The following WIPF1 variants were observed in gnomAD, a reference collection of about 807,000 sequenced individuals.
WIPF1 encodes WAS/WASL interacting protein family member 1, also known as WAS/WASL-interacting protein family member 1.
In WIPF1, 13 loss-of-function variants were observed where a neutral mutation model predicts 35.4. The observed-to-expected ratio is 0.37, with a 90% CI of 0.24 to 0.58. The LOEUF is 0.58. WIPF1 is among the 20% of genes least tolerant of loss of function. WIPF1 has a pLI of 0.74. For missense variants in WIPF1, 591 were observed against 667.0 expected (o/e 0.89, Z 1.25); for synonymous variants, 267 against 266.3 (o/e 1.00, Z -0.02).
intron 1 of WIPF1, among the ~76,000 whole-genome samples, chr2:174,628,636 C>T (rs1357217603): frequency 1.3e-5 from 2 of 152,230 alleles, no homozygotes; most frequent in African/African-American, 2.4e-5. Flanking sequence ...CCATTAGGCA[C>T]AGATCTGGCC....
chr2:174,614,375 T>C (rs1311779064), intron 1 of WIPF1, among the ~76,000 whole-genome samples: 1 of 152,216 alleles, frequency 6.6e-6, no homozygotes, highest in African/African-American at 2.4e-5. Context: ...CTGCTTATTT[T>C]CAAGTCTGCT....
At chr2:174,673,403 C>T (rs1411964741) in intron 1 of WIPF1, 3 of 152,292 alleles carry the variant, frequency 2.0e-5, no homozygotes, top group Non-Finnish European at 4.4e-5. Flanking sequence ...CTCCGCAACA[C>T]TGCCTGCTTA....
At chr2:174,576,250 C>A (rs12620968) in intron 3 of WIPF1, among the ~76,000 whole-genome samples, 23,906 of 112,572 alleles carry the variant, frequency 0.21, 2,574 homozygotes, top group East Asian at 0.31. Flanking sequence ...AAAAAAAAAA[C>A]ACTAAGCAAA....
intron 1 of WIPF1, among the ~76,000 whole-genome samples, chr2:174,667,397 A>C (rs1345449236): frequency 6.6e-6 from 1 of 152,146 alleles, no homozygotes; most frequent in East Asian, 1.9e-4. Flanking sequence ...GACACTTTAC[A>C]ACCCTTTCCA....
chr2:174,672,782 T>C (rs1426754750), intron 1 of WIPF1, among the ~76,000 whole-genome samples: 1 of 152,208 alleles, frequency 6.6e-6, no homozygotes, highest in Non-Finnish European at 1.5e-5. Flanking sequence ...CACAGTGTTG[T>C]CAAGCCCAGC....
At chr2:174,582,362 C>G (rs2105833502) in intron 2 of WIPF1, among the ~76,000 whole-genome samples, 1 of 152,328 alleles carries the variant, frequency 6.6e-6, no homozygotes, top group Admixed American at 6.5e-5. Context: ...GTGCCTGTGT[C>G]TATCACACTT....
chr2:174,658,274 A>G (rs998381920), intron 1 of WIPF1, among the ~76,000 whole-genome samples: 10 of 152,228 alleles, frequency 6.6e-5, no homozygotes, highest in Admixed American at 5.9e-4. Context: ...AAAGAGACCT[A>G]TGCTTTGTCT....
chr2:174,674,931 C>CAT (rs1415850925), intron 1 of WIPF1, among the ~76,000 whole-genome samples: 3 of 150,492 alleles, frequency 2.0e-5, no homozygotes. Flanking sequence ...CACACACACA[C>CAT]ACACACACAC....
chr2:174,659,472 G>A (rs908424331), intron 1 of WIPF1, among the ~76,000 whole-genome samples: 55 of 152,210 alleles, frequency 3.6e-4, no homozygotes, highest in Admixed American at 3.9e-4. Flanking sequence ...AGGGTTTAGC[G>A]AGTAATGGTA....
intron 1 of WIPF1, chr2:174,626,003 A>C (rs556171380): frequency 1.2e-4 from 18 of 152,324 alleles, no homozygotes; most frequent in African/African-American, 4.1e-4. Flanking sequence ...AATTTGTAAA[A>C]CTACATAATA....
At chr2:174,609,605 T>A (rs1686281572) in intron 1 of WIPF1, among the ~76,000 whole-genome samples, 1 of 152,264 alleles carries the variant, frequency 6.6e-6, no homozygotes, top group African/African-American at 2.4e-5. Context: ...TTACTTTCAT[T>A]TCTCTTTTAA....
At chr2:174,601,433 A>G (rs1034736792), upstream of WIPF1, among the ~76,000 whole-genome samples, 3 of 152,220 alleles carry the variant, frequency 2.0e-5, no homozygotes, top group African/African-American at 4.8e-5. Flanking sequence ...CCATTGGGCA[A>G]TGTGAAGAGA....
chr2:174,647,674 C>T (rs1032110120), intron 1 of WIPF1, among the ~76,000 whole-genome samples: 1 of 146,226 alleles, frequency 6.8e-6, no homozygotes, highest in African/African-American at 2.5e-5. Context: ...GGCAGGAAAA[C>T]GGCATATGAA....
At position 174,590,298 on chromosome 2, in the gene WIPF1, A is replaced by G. The variant is rs1426535904; in HGVS notation, c.-38-4687T>C. Among the ~76,000 whole-genome samples the G allele has an allele frequency of 6.6e-6, 1 of 152,186 alleles. No homozygotes were observed. The highest frequency in any genetic ancestry group is 2.4e-5 in the African/African-American group (1 of 41,438). On this transcript the variant is annotated intron_variant, in intron 1 of 7. Transcript: ENST00000679041. The surrounding 1 kb of genome is among the most constrained non-coding windows in gnomAD (Gnocchi z 4.6). ...ATGAAATGGTGTGTGCAAGGCTTTC[A>G]GCATGGCCTGGGGGAGCAAAGCTGT...
chr2:174,599,428 G>C (rs547746155), upstream of WIPF1, among the ~76,000 whole-genome samples: 25 of 152,312 alleles, frequency 1.6e-4, no homozygotes, highest in Non-Finnish European at 1.0e-4. Context: ...TCCTGGAGTG[G>C]AGTACCCAAG....
chr2:174,616,946 T>C (rs1322405129), intron 1 of WIPF1, among the ~76,000 whole-genome samples: 2 of 152,168 alleles, frequency 1.3e-5, no homozygotes, highest in East Asian at 3.8e-4. Flanking sequence ...AGGAAATTTG[T>C]CTCACAACTG....
chr2:174,671,899 C>T (rs536151077), intron 1 of WIPF1, among the ~76,000 whole-genome samples: 1 of 152,286 alleles, frequency 6.6e-6, no homozygotes, highest in East Asian at 1.9e-4. Context: ...CCTGTGATCT[C>T]GCCCTGCCTC....
chr2:174,568,121 A>G, intron 5 of WIPF1, 48 bp from the exon 6 acceptor site: 1 of 1,567,374 alleles, frequency 6.4e-7, no homozygotes, highest in Non-Finnish European at 8.6e-7. Context: ...TCCACATTCC[A>G]TTACCGTGGT....
At chr2:174,586,675 T>C (rs1006201458) in intron 1 of WIPF1, among the ~76,000 whole-genome samples, 5 of 152,140 alleles carry the variant, frequency 3.3e-5, no homozygotes, top group African/African-American at 1.2e-4. Context: ...CTGCCCTGTC[T>C]AGGACAACGC....
Sources: gnomAD v4.1 joint callset for allele counts (sites outside exome capture counted in the v4.1 genomes callset) on GRCh38, gnomAD v4.1.1 for gene constraint, Gnocchi (gnomAD v3.1) non-coding constraint, MANE v1.5 for transcripts, NCBI Gene and HGNC (gene_info 2026-07-23, HGNC 2026-07-21) for gene names.